Variants in NUCB2 observed in about 807,000 individuals in gnomAD.
The protein encoded by NUCB2 is nucleobindin 2.
In NUCB2, 48 loss-of-function variants were observed where a neutral mutation model predicts 57.9. The observed-to-expected ratio is 0.83, with a 90% confidence interval of 0.66 to 1.05. The LOEUF (loss-of-function observed/expected upper bound fraction) is 1.05. NUCB2 is among the 50% of genes least tolerant of loss of function. The pLI is 0.00. For missense variants in NUCB2, 442 were observed against 476.2 expected (o/e 0.93, Z 0.67); for synonymous variants, 139 against 152.1 (o/e 0.91, Z 0.64).
At chr11:17,283,680 AG>A (rs1943122795) in intron 2 of NUCB2, 1 of 152,234 alleles carries the variant, frequency 6.6e-6, no homozygotes, top group South Asian at 2.1e-4. Flanking sequence ...AATGCTCAAT[AG>A]ATGTTTGTTG....
chr11:17,290,142 A>G (rs1944678544), intron 2 of NUCB2, among the ~76,000 whole-genome samples: 1 of 152,202 alleles, frequency 6.6e-6, no homozygotes, highest in African/African-American at 2.4e-5. Flanking sequence ...TTGTTCCTTT[A>G]TAAGAAAGAG....
rs777374171 is a variant in NUCB2, at chr11:17,312,060, G to A, written c.852G>A (p.Glu284=). 2 of 1,591,070 alleles carry A rather than the reference G, an allele frequency of 1.3e-6. No individual in the cohort carries two copies. Among genetic ancestry groups the A allele is most frequent in the Non-Finnish European group, 1.7e-6 (2 of 1,168,768 alleles). ...AAGTATATGACCCTAAAAATGAAGAGGATGATATGGTAGAAATGGAAGAAG... is the reference window on the plus strand; with the variant it reads ...AAGTATATGACCCTAAAAATGAAGAAGATGATATGGTAGAAATGGAAGAAG... The part of the protein sequence containing the change: ...LEKVYDPKNE[E]DDMVEMEEER... The change falls in exon 10 of 14, where the codon GAG becomes GAA. Residue 284 remains glutamate (E), a synonymous_variant. Transcript: ENST00000529010.
At chr11:17,301,086 C>T (rs1312008794) in intron 4 of NUCB2, among the ~76,000 whole-genome samples, 1 of 149,166 alleles carries the variant, frequency 6.7e-6, no homozygotes, top group African/African-American at 2.5e-5. Context: ...AATTCTCCTG[C>T]CTCAGCCTCC....
intron 11 of NUCB2, chr11:17,317,580 T>C (rs2634462): frequency 0.72 from 313,952 of 436,298 alleles, 114,003 homozygotes; most frequent in East Asian, 0.88. Context: ...TAATGTCTTT[T>C]TAGTCTCCTT....
chr11:17,280,761 CG>C (rs1942394012), intron 1 of NUCB2, among the ~76,000 whole-genome samples: 1 of 152,102 alleles, frequency 6.6e-6, no homozygotes, highest in African/African-American at 2.4e-5. Context: ...ACTGTAAGAC[CG>C]GGCATGATGG....
At position 17,301,876 on chromosome 11, in the gene NUCB2, T is replaced by C. The variant is rs201968200; in HGVS notation, c.379+6T>C. ...TAAGTTGGATTCCCTTCAAGGTAAG[T>C]GCTAAACAAAAGGTAGGATTTTTTT... On this transcript the variant is annotated splice_donor_region_variant and intron_variant, in intron 5 of 13. Coordinates refer to ENST00000529010, the MANE Select transcript of NUCB2 (RefSeq NM_005013.4). 1.2e-6 allele frequency: 2 copies of C among 1,604,036 alleles called. No individual in the cohort carries two copies. The highest frequency in any genetic ancestry group is 1.7e-5 in the Admixed American group (1 of 57,894).
chr11:17,280,429 G>C (rs1942329840), intron 1 of NUCB2, among the ~76,000 whole-genome samples: 1 of 152,134 alleles, frequency 6.6e-6, no homozygotes, highest in South Asian at 2.1e-4. Flanking sequence ...CATTTTCAAA[G>C]GGAAAATGGA....
Position 17,303,173 on chromosome 11 carries a change from C to T in NUCB2, c.379+1303C>T, listed in dbSNP as rs1361176002. Among the ~76,000 whole-genome samples, 8 of 152,256 alleles carry T rather than the reference C, an allele frequency of 5.3e-5. No individual in the cohort carries two copies. The East Asian group carries it at 1.5e-3, about 29-fold the overall frequency. ...TAAGAATAAGTTTCATAAAGGGATA[C>T]TATCTGTCTACTCTTTAATGATTTG... On this transcript the variant is annotated intron_variant, in intron 5 of 13. Transcript: ENST00000529010.
chr11:17,281,084 T>G (rs1412274799), intron 1 of NUCB2, among the ~76,000 whole-genome samples: 2 of 152,156 alleles, frequency 1.3e-5, no homozygotes, highest in Non-Finnish European at 2.9e-5. Flanking sequence ...AAGTTGTATG[T>G]CAAACTGGTC....
At chr11:17,346,757 G>T (rs978301997) in intron 2 of NUCB2, among the ~76,000 whole-genome samples, 2 of 152,112 alleles carry the variant, frequency 1.3e-5, no homozygotes, top group African/African-American at 4.8e-5. Context: ...TACAGTAAAA[G>T]TATTACAATC....
chr11:17,345,570 G>A (rs1952657098), intron 2 of NUCB2, among the ~76,000 whole-genome samples: 1 of 152,114 alleles, frequency 6.6e-6, no homozygotes, highest in Non-Finnish European at 1.5e-5. Context: ...AGCCGGGCGT[G>A]GTGGTGGGCG....
At chr11:17,343,473 A>G (rs1383253172) in intron 2 of NUCB2, among the ~76,000 whole-genome samples, 1 of 152,118 alleles carries the variant, frequency 6.6e-6, no homozygotes, top group Non-Finnish European at 1.5e-5. Flanking sequence ...TTTTCTGTGC[A>G]TGGGGTGTGA....
At chr11:17,323,194 C>T (rs544492620) in intron 11 of NUCB2, among the ~76,000 whole-genome samples, 7 of 152,142 alleles carry the variant, frequency 4.6e-5, no homozygotes, top group Admixed American at 1.3e-4. Context: ...TTTTCCCATT[C>T]GGTATGATAT....
chr11:17,312,626 C>T (rs1948667843), intron 10 of NUCB2, among the ~76,000 whole-genome samples: 1 of 152,144 alleles, frequency 6.6e-6, no homozygotes, highest in South Asian at 2.1e-4. Flanking sequence ...TGGTCTTGAA[C>T]TCCTGACCTC....
Position 17,320,070 on chromosome 11 carries a change from C to T in NUCB2, c.1002+4595C>T, listed in dbSNP as rs1264823519. ...CATGCTCCTGCAGGGGACATGATCT[C>T]GTTCTTTTTTTATGGCTGCATAGTA... On this transcript the variant is annotated intron_variant, in intron 11 of 13. Coordinates refer to ENST00000529010, the MANE Select transcript of NUCB2 (RefSeq NM_005013.4). Among the ~76,000 whole-genome samples the T allele has an allele frequency of 5.6e-5, 8 of 141,646 alleles. No individual in the cohort carries two copies. In the South Asian group the frequency reaches 9.3e-4, roughly 17 times the overall value. 92.9% of individuals were successfully genotyped at this position (141,646 alleles called of 152,430 possible).
intron 2 of NUCB2, among the ~76,000 whole-genome samples, chr11:17,285,878 T>C (rs574225475): frequency 9.9e-5 from 15 of 151,756 alleles, no homozygotes; most frequent in Non-Finnish European, 2.1e-4. Flanking sequence ...TTCCAGGATA[T>C]CTTGCCCAAC....
At chr11:17,316,935 T>C (rs951606131) in intron 11 of NUCB2, among the ~76,000 whole-genome samples, 1 of 152,218 alleles carries the variant, frequency 6.6e-6, no homozygotes, top group African/African-American at 2.4e-5. Flanking sequence ...ATTGGGACAG[T>C]TGGCCCCTTT....
At chr11:17,284,999 T>A (rs1031298371) in intron 2 of NUCB2, among the ~76,000 whole-genome samples, 1 of 143,606 alleles carries the variant, frequency 7.0e-6, no homozygotes, top group Non-Finnish European at 1.5e-5. Context: ...GTTTTGTTTT[T>A]AGAAACAAAG....
rs532223454 is a variant in NUCB2 at position 17,288,959 on chromosome 11, A to ATTTT, written c.-1+6017_-1+6018insTTTT. On this transcript the variant is annotated intron_variant, in intron 2 of 13. Coordinates refer to ENST00000529010, the MANE Select transcript of NUCB2 (RefSeq NM_005013.4). ...CACACACACACACACACATATATAT[A>ATTTT]TATATTTTTTTTTTTTGAGATGGAG... 1.6e-4 allele frequency among the ~76,000 whole-genome samples: 11 copies of ATTTT among 66,928 alleles called. 2 individuals are homozygous for ATTTT. Among genetic ancestry groups the ATTTT allele is most frequent in the Admixed American group, 6.7e-4 (4 of 5,930 alleles). The allele number at this position is 66,928 out of a possible 152,430, so 43.9% of individuals were successfully genotyped here.
Sources: gnomAD v4.1 joint callset for allele counts (sites outside exome capture counted in the v4.1 genomes callset) on GRCh38, gnomAD v4.1.1 for gene constraint, MANE v1.5 for transcripts, NCBI Gene and HGNC (gene_info 2026-07-23, HGNC 2026-07-21) for gene names.